PDE1A: variants seen among roughly 807,000 people sequenced by gnomAD.
PDE1A encodes phosphodiesterase 1A.
In PDE1A, 35 loss-of-function variants were observed where a neutral mutation model predicts 61.7. The observed-to-expected ratio is 0.57, with a 90% CI of 0.43 to 0.75. The LOEUF is 0.75. Ranked by LOEUF, PDE1A falls within the 30% of genes least tolerant of loss-of-function variation. PDE1A has a pLI of 0.00. For missense variants in PDE1A, 597 were observed against 630.6 expected (o/e 0.95, Z 0.57); for synonymous variants, 232 against 213.2 (o/e 1.09, Z -0.77).
chr2:182,542,608 C>A, the PDE1A span, among the ~76,000 whole-genome samples: 4 of 152,076 alleles, frequency 2.6e-5, no homozygotes, highest in Non-Finnish European at 4.4e-5. Flanking sequence ...TCCTTCATAG[C>A]ATGTTCTATT....
Position 182,413,373 on chromosome 2 carries a change from T to C in PDE1A, c.53+13205A>G, listed in dbSNP as rs1211015391. On this transcript the variant is annotated intron_variant, in intron 1 of 13. Coordinates refer to ENST00000351439, the Ensembl canonical transcript of PDE1A. ...TTTTTAAATATCATTAAATTTTAAA[T>C]GGGAGGCTAGAGGGCTTTGAAGTGG... Among the ~76,000 whole-genome samples, 7 of 152,086 alleles carry C rather than the reference T, an allele frequency of 4.6e-5. No individual in the cohort carries two copies. The East Asian group carries it at 1.3e-3, about 29-fold the overall frequency.
the PDE1A span, among the ~76,000 whole-genome samples, chr2:182,671,957 T>C: frequency 7.2e-5 from 11 of 152,208 alleles, no homozygotes; most frequent in East Asian, 1.7e-3. Context: ...TTAGTGACCA[T>C]ACACCCCGCA....
At position 182,201,567 on chromosome 2, in the gene PDE1A, A is replaced by T; in HGVS notation, c.1005-8T>A. 1 of 1,613,176 alleles carries T rather than the reference A, an allele frequency of 6.2e-7. No individual in the cohort carries two copies. On this transcript the variant is annotated splice_polypyrimidine_tract_variant and splice_region_variant and intron_variant, in intron 9 of 13. Transcript: ENST00000351439. ...GTTTTGGCTCTGTCAATCCTGTCAA[A>T]CCAAGGACATGCTTATATTATTCAA...
chr2:182,522,775 G>A (rs1043317828), upstream of PDE1A: 1 of 594,958 alleles, frequency 1.7e-6, no homozygotes, highest in East Asian at 1.4e-4. Flanking sequence ...CAAGAGAAAC[G>A]TGAATGACTT....
At position 182,381,720 on chromosome 2, in the gene PDE1A, G is replaced by C. The variant is rs187004084; in HGVS notation, c.53+44858C>G. ...TCAGCTACTCAGGAGGCTGAGGCGG[G>C]AGAATCGCTTGAACCCAGGAGGCAG... is the stretch of plus-strand genomic sequence containing the variant. On this transcript the variant is annotated intron_variant, in intron 1 of 13. Transcript: ENST00000351439. Among the ~76,000 whole-genome samples, 713 of 152,150 alleles carry C rather than the reference G, an allele frequency of 4.7e-3. 1 individual carries two copies. The highest frequency in any genetic ancestry group is 0.017 in the African/African-American group (685 of 41,492).
the PDE1A span, among the ~76,000 whole-genome samples, chr2:182,714,130 T>C: frequency 6.6e-6 from 1 of 152,234 alleles, no homozygotes; most frequent in Non-Finnish European, 1.5e-5. Context: ...TTAATGTTTA[T>C]TCATTCAAAA....
the PDE1A span, among the ~76,000 whole-genome samples, chr2:182,594,095 C>G: frequency 1.1e-4 from 16 of 152,076 alleles, no homozygotes; most frequent in Non-Finnish European, 1.5e-4. Flanking sequence ...AATAAAAAGA[C>G]CTGCTGAAAT....
chr2:182,377,259 C>T (rs1195501956), intron 1 of PDE1A, among the ~76,000 whole-genome samples: 1 of 152,144 alleles, frequency 6.6e-6, no homozygotes, highest in Admixed American at 6.5e-5. Context: ...ATAGTGAGTT[C>T]TCATGAGATC....
chr2:182,179,833 T>G (rs952800239), intron 13 of PDE1A, among the ~76,000 whole-genome samples: 1 of 152,158 alleles, frequency 6.6e-6, no homozygotes, highest in African/African-American at 2.4e-5. Context: ...GAACCTTATT[T>G]TTAAGAGGGT....
the PDE1A span, among the ~76,000 whole-genome samples, chr2:182,689,008 G>A: frequency 6.6e-6 from 1 of 152,096 alleles, no homozygotes; most frequent in South Asian, 2.1e-4. Context: ...CCCAATACAG[G>A]AGCACCCAGA....
At chr2:182,666,464 C>T in the PDE1A span, among the ~76,000 whole-genome samples, 2 of 151,790 alleles carry the variant, frequency 1.3e-5, no homozygotes, top group Non-Finnish European at 2.9e-5. Context: ...CAAAATTAGC[C>T]GGGTGTGGTG....
chr2:182,488,596 G>A (rs1688175796), intron 2 of PDE1A, among the ~76,000 whole-genome samples: 1 of 152,106 alleles, frequency 6.6e-6, no homozygotes, highest in African/African-American at 2.4e-5. Flanking sequence ...ATAAATACCT[G>A]TCTATCTACT....
intron 1 of PDE1A, among the ~76,000 whole-genome samples, chr2:182,343,729 A>C (rs1007064770): frequency 1.3e-5 from 2 of 152,162 alleles, no homozygotes; most frequent in Non-Finnish European, 2.9e-5. Flanking sequence ...ATGATTTCTT[A>C]TATTTAGTAA....
intron 1 of PDE1A, among the ~76,000 whole-genome samples, chr2:182,265,198 A>G (rs898952910): frequency 1.3e-5 from 2 of 151,684 alleles, no homozygotes; most frequent in African/African-American, 4.8e-5. Flanking sequence ...CCCAGAAATC[A>G]CCACTAAAGA....
Position 182,253,990 on chromosome 2 carries a change from C to T in PDE1A, c.167+10311G>A, listed in dbSNP as rs1030720011. On this transcript the variant is annotated intron_variant, in intron 2 of 13. Coordinates refer to ENST00000351439, the Ensembl canonical transcript of PDE1A. The stretch of plus-strand genomic sequence containing the variant: ...TTGGATGTAACTGTCAAATGATTTT[C>T]ATTATTATTATTATTGGAAAAGAAT... Among the ~76,000 whole-genome samples, 4 of 151,952 alleles carry T rather than the reference C, an allele frequency of 2.6e-5. 1 individual carries two copies. In the Middle Eastern group the frequency reaches 0.01, roughly 388 times the overall value.
exon 15 of PDE1A, chr2:182,142,029 G>T (rs1465867128): frequency 6.6e-6 from 1 of 151,972 alleles, no homozygotes; most frequent in African/African-American, 2.4e-5. Flanking sequence ...TCTGAGGGCT[G>T]CAGTTTGTTT....
chr2:182,512,220 A>C (rs1211611807), intron 2 of PDE1A, among the ~76,000 whole-genome samples: 1 of 152,158 alleles, frequency 6.6e-6, no homozygotes, highest in African/African-American at 2.4e-5. Flanking sequence ...TTGCCAGTGA[A>C]CTGGAAACAC....
chr2:182,462,059 T>A (rs1359830796), intron 2 of PDE1A, among the ~76,000 whole-genome samples: 1 of 151,240 alleles, frequency 6.6e-6, no homozygotes, highest in African/African-American at 2.4e-5. Flanking sequence ...CAGCAAACTA[T>A]CGCAAGAATA....
At chr2:182,426,741 T>C in exon 1 of PDE1A, 6 of 1,558,570 alleles carry the variant, frequency 3.8e-6, no homozygotes, top group Non-Finnish European at 5.2e-6. Context: ...AAAGAAAAAG[T>C]AGTTTCCTCT....
Sources: allele counts gnomAD v4.1 joint callset (sites outside exome capture counted in the v4.1 genomes callset), GRCh38; gene constraint gnomAD v4.1.1; transcripts MANE v1.5; gene names NCBI Gene and HGNC (gene_info 2026-07-23, HGNC 2026-07-21).